Variants in ZNF157 observed in about 807,000 individuals in gnomAD.
ZNF157 encodes the protein zinc finger protein 22.
A neutral mutation model predicts 9.4 loss-of-function variants in ZNF157; 8 were observed. The ratio of observed to expected loss-of-function variants is 0.85; its 90% confidence interval spans 0.50 to 1.53. The LOEUF is 1.53. Among genes scored for constraint, ZNF157 ranks in the 40% most tolerant of loss-of-function variants. The pLI, the probability that ZNF157 is intolerant of heterozygous loss-of-function variation, is 0.00. For synonymous variants in ZNF157, 120 were observed against 130.8 expected (o/e 0.92, Z 0.56); for missense variants, 316 against 385.2 (o/e 0.82, Z 1.50).
chrX:47,405,788 T>G (rs1466817316), intron 1 of ZNF157, among the ~76,000 whole-genome samples: 1 of 112,154 alleles, frequency 8.9e-6, no homozygotes, highest in Non-Finnish European at 1.9e-5. Flanking sequence ...ATTTGTCTTT[T>G]GTACTTTGCT....
At chrX:47,374,290 G>C (rs1206719118) in intron 1 of ZNF157, among the ~76,000 whole-genome samples, 1 of 111,113 alleles carries the variant, frequency 9.0e-6, no homozygotes, top group Admixed American at 9.7e-5. Context: ...GAGTCTAGTA[G>C]GAGAAACTGT....
intron 1 of ZNF157, among the ~76,000 whole-genome samples, chrX:47,395,278 G>A: frequency 8.9e-6 from 1 of 112,018 alleles, no homozygotes; most frequent in Non-Finnish European, 1.9e-5. Context: ...TTGAACTCCT[G>A]AGCTCAAGCT....
chrX:47,413,725 G>T lies in ZNF157; in HGVS notation c.*131G>T. 1 of 1,021,171 alleles carries T rather than the reference G, an allele frequency of 9.8e-7. No homozygotes were observed. The highest frequency in any genetic ancestry group is 3.0e-5 in the South Asian group (1 of 32,884). 84.2% of individuals were successfully genotyped at this position (1,021,171 alleles called of 1,213,427 possible). On this transcript the variant is annotated 3_prime_UTR_variant, in exon 4 of 4. Transcript: ENST00000377073. ...TGATCCCCTTAGGGGATAGCTCATTGTTTTTATTCAGATTTCCCTAATTAG... is the reference window on the plus strand; with the variant it reads ...TGATCCCCTTAGGGGATAGCTCATTTTTTTTATTCAGATTTCCCTAATTAG...
At chrX:47,380,463 C>T (rs1489932370) in intron 1 of ZNF157, among the ~76,000 whole-genome samples, 2 of 111,523 alleles carry the variant, frequency 1.8e-5, no homozygotes, top group Admixed American at 1.9e-4. Context: ...GGCTTGTCAG[C>T]GCTTGAGAAG....
chrX:47,403,335 GTTA>G (rs890002544), intron 1 of ZNF157, among the ~76,000 whole-genome samples: 8 of 110,039 alleles, frequency 7.3e-5, no homozygotes, highest in African/African-American at 2.3e-4. Flanking sequence ...CCAGTATCTA[GTTA>G]TTATTATTTT....
chrX:47,411,282 C>A (rs1032390896), intron 3 of ZNF157, among the ~76,000 whole-genome samples: 2 of 111,180 alleles, frequency 1.8e-5, no homozygotes, highest in Non-Finnish European at 3.8e-5. Flanking sequence ...AGCCACCGCA[C>A]CTAGCCTTTA....
chrX:47,404,311 C>A (rs969248364), intron 1 of ZNF157, among the ~76,000 whole-genome samples: 1 of 108,358 alleles, frequency 9.2e-6, no homozygotes, highest in Non-Finnish European at 1.9e-5. Context: ...ATTACAGGCG[C>A]GCACCACCAT....
At chrX:47,407,876 C>T (rs1452529647) in intron 1 of ZNF157, among the ~76,000 whole-genome samples, 3 of 110,304 alleles carry the variant, frequency 2.7e-5, no homozygotes, top group Non-Finnish European at 5.7e-5. Flanking sequence ...TGTCTCCCCT[C>T]CTACCTTCCA....
intron 1 of ZNF157, among the ~76,000 whole-genome samples, chrX:47,399,996 T>TC (rs1491377599): frequency 3.4e-5 from 1 of 29,483 alleles, no homozygotes. Context: ...TCTCTCTCTC[T>TC]TTTTTTTTTT....
At chrX:47,376,565 A>G (rs749007931) in intron 1 of ZNF157, among the ~76,000 whole-genome samples, 1 of 111,355 alleles carries the variant, frequency 9.0e-6, no homozygotes, top group Non-Finnish European at 1.9e-5. Context: ...GAAGTGAGCC[A>G]CGATCGCGTC....
At chrX:47,383,684 G>GAC (rs1261189261) in intron 1 of ZNF157, among the ~76,000 whole-genome samples, 3 of 41,584 alleles carry the variant, frequency 7.2e-5, no homozygotes, top group Non-Finnish European at 1.3e-4. Context: ...CTCTGTCTCA[G>GAC]AAAAAAAAAA....
intron 1 of ZNF157, among the ~76,000 whole-genome samples, chrX:47,399,874 T>C (rs1364238416): frequency 9.0e-6 from 1 of 111,103 alleles, no homozygotes; most frequent in Non-Finnish European, 1.9e-5. Flanking sequence ...AGAGATGTGG[T>C]CTCCCTATGT....
intron 1 of ZNF157, among the ~76,000 whole-genome samples, chrX:47,408,616 C>T (rs2055954228): frequency 9.0e-6 from 1 of 110,764 alleles, no homozygotes; most frequent in South Asian, 3.8e-4. Context: ...CAGGATTTCA[C>T]CATGTTGCCC....
chrX:47,397,626 G>C (rs777904157), intron 1 of ZNF157, among the ~76,000 whole-genome samples: 89 of 110,859 alleles, frequency 8.0e-4, no homozygotes, highest in African/African-American at 2.9e-3. Flanking sequence ...TGTTGGCCAG[G>C]GTAGCCTAGA....
At chrX:47,372,982 T>A (rs1331782000) in intron 1 of ZNF157, among the ~76,000 whole-genome samples, 19 of 108,412 alleles carry the variant, frequency 1.8e-4, no homozygotes, top group African/African-American at 5.0e-4. Flanking sequence ...GGAGGATCGC[T>A]TGAGGTCAGG....
chrX:47,376,912 G>A (rs1370149515), intron 1 of ZNF157, among the ~76,000 whole-genome samples: 1 of 111,644 alleles, frequency 9.0e-6, no homozygotes, highest in East Asian at 2.8e-4. Context: ...TCCCCTGCTT[G>A]CCTGGGGACT....
rs769541152 is a variant in ZNF157, at chrX:47,374,998, C to CTTTTTTTTTTTTT, written c.72+4282_72+4294dup. Among the ~76,000 whole-genome samples the CTTTTTTTTTTTTT allele has an allele frequency of 3.2e-4, 8 of 24,991 alleles. 2 individuals are homozygous for CTTTTTTTTTTTTT. Among genetic ancestry groups the CTTTTTTTTTTTTT allele is most frequent in the Non-Finnish European group, 5.6e-4 (8 of 14,375 alleles). The allele number at this position is 24,991 out of a possible 115,157, so 21.7% of individuals were successfully genotyped here. A position where few individuals can be genotyped will look rare whatever the true frequency, so the allele number is the denominator to read the frequency against. ...GTGAGCCCTGAGCCCGGCTGACAAT[C>CTTTTTTTTTTTTT]TTTTTTTTTTTTTTTTTTTTTTTTT... is the stretch of plus-strand genomic sequence containing the variant. On this transcript the variant is annotated intron_variant, in intron 1 of 3. Coordinates refer to ENST00000377073, the MANE Select transcript of ZNF157 (RefSeq NM_003446.4).
chrX:47,393,600 A>G (rs1437278612), intron 1 of ZNF157, among the ~76,000 whole-genome samples: 2 of 110,229 alleles, frequency 1.8e-5, no homozygotes, highest in Non-Finnish European at 3.8e-5. Context: ...TCACTCTGTC[A>G]TCCAGGCTGC....
chrX:47,374,911 A>G (rs764962410), intron 1 of ZNF157, among the ~76,000 whole-genome samples: 4 of 97,151 alleles, frequency 4.1e-5, no homozygotes, highest in South Asian at 1.0e-3. Flanking sequence ...GGGTTTCACC[A>G]TGTTGGCCAG....
Sources: gnomAD v4.1 joint callset for allele counts (sites outside exome capture counted in the v4.1 genomes callset) on GRCh38, gnomAD v4.1.1 for gene constraint, MANE v1.5 for transcripts, NCBI Gene and HGNC (gene_info 2026-07-23, HGNC 2026-07-21) for gene names.